The following TNRC6C variants were observed in gnomAD, a reference collection of about 807,000 sequenced individuals.
The protein encoded by TNRC6C is trinucleotide repeat containing adaptor 6C, also known as trinucleotide repeat-containing gene 6C protein.
TNRC6C carries 20 observed loss-of-function variants against 153.7 expected under a neutral mutation model. The ratio of observed to expected loss-of-function variants is 0.13; its 90% CI spans 0.09 to 0.19. The LOEUF is 0.19. TNRC6C is among the 10% of genes least tolerant of loss of function. TNRC6C has a pLI of 1.00. For missense variants in TNRC6C, 1,987 were observed against 2,172.0 expected (o/e 0.91, Z 1.69); for synonymous variants, 811 against 841.4 (o/e 0.96, Z 0.63).
chr17:78,098,487 C>T (rs773598908), exon 17 of TNRC6C: 9 of 1,613,808 alleles, frequency 5.6e-6, no homozygotes, highest in African/African-American at 1.3e-5. Context: ...CCCAAGCCCT[C>T]CTCCACCTGG....
chr17:77,980,472 G>C (rs1275573406), intron 1 of TNRC6C, among the ~76,000 whole-genome samples: 1 of 152,182 alleles, frequency 6.6e-6, no homozygotes. Flanking sequence ...GTGGACACCA[G>C]CTGGGTCGGT....
intron 16 of TNRC6C, 34 bp downstream of exon 18, chr17:78,093,797 C>G: frequency 6.2e-7 from 1 of 1,612,212 alleles, no homozygotes; most frequent in South Asian, 1.1e-5. Flanking sequence ...TCTGCATGGA[C>G]GGTCTCTCTA....
intron 2 of TNRC6C, among the ~76,000 whole-genome samples, chr17:78,042,808 G>A (rs1029254603): frequency 5.3e-5 from 8 of 151,990 alleles, no homozygotes; most frequent in South Asian, 2.1e-4. Context: ...TGGTGATGAC[G>A]GTGTTGGTGA....
At chr17:77,975,887 G>T (rs2070990911) in intron 1 of TNRC6C, among the ~76,000 whole-genome samples, 1 of 152,090 alleles carries the variant, frequency 6.6e-6, no homozygotes, top group Non-Finnish European at 1.5e-5. Flanking sequence ...GAAAAATGTA[G>T]GTCGTCTTTA....
intron 1 of TNRC6C, among the ~76,000 whole-genome samples, chr17:78,013,902 G>A (rs554525373): frequency 6.6e-6 from 1 of 152,288 alleles, no homozygotes; most frequent in Non-Finnish European, 1.5e-5. Flanking sequence ...TTCACTATGC[G>A]AGGCATCAAA....
At chr17:77,976,072 A>G (rs2070993500) in intron 1 of TNRC6C, among the ~76,000 whole-genome samples, 1 of 152,208 alleles carries the variant, frequency 6.6e-6, no homozygotes, top group South Asian at 2.1e-4. Flanking sequence ...GAATAATAAT[A>G]TATACTATTA....
chr17:78,074,763 A>T (rs2073055879), intron 7 of TNRC6C, among the ~76,000 whole-genome samples: 1 of 152,238 alleles, frequency 6.6e-6, no homozygotes, highest in African/African-American at 2.4e-5. Context: ...CCCACCCGAA[A>T]TGAGGAAGCA....
In TNRC6C at chr17:78,104,380, G is replaced by A. The variant is rs919992939; in HGVS notation, c.4713-105G>A. 7.2e-7 allele frequency: 1 copy of A among 1,380,686 alleles called. No individual in the cohort carries two copies. Among genetic ancestry groups the A allele is most frequent in the African/African-American group, 1.5e-5 (1 of 65,880 alleles). 85.5% of individuals were successfully genotyped at this position (1,380,686 alleles called of 1,614,324 possible). The stretch of plus-strand genomic sequence containing the variant: ...TAGCAGTGGCAAAACAGAAGCCACA[G>A]GATGGCTTCCATGTGGGGCCGTTCC... On this transcript the variant is annotated intron_variant, in intron 19 of 19. Coordinates refer to ENST00000301624, the Ensembl canonical transcript of TNRC6C. This position sits in a 1 kb window ranked among gnomAD's most constrained non-coding sequence, Gnocchi z 6.2.
rs1213742381 is a variant in TNRC6C, at chr17:78,079,822, G to T, written c.3357+281G>T. ...CCTGGTCAGAAGCAATATTGAGGGG[G>T]AAGGACCTGCCCAACACACTCCCAT... On this transcript the variant is annotated intron_variant, in intron 10 of 19. Coordinates refer to ENST00000301624, the Ensembl canonical transcript of TNRC6C. This position sits in a 1 kb window ranked among gnomAD's most constrained non-coding sequence, Gnocchi z 4.3. Among the ~76,000 whole-genome samples the T allele has an allele frequency of 6.6e-6, 1 of 152,130 alleles. No homozygotes were observed. Among genetic ancestry groups the T allele is most frequent in the Non-Finnish European group, 1.5e-5 (1 of 68,012 alleles).
chr17:77,966,575 G>A (rs992057267), intron 1 of TNRC6C, among the ~76,000 whole-genome samples: 3 of 152,140 alleles, frequency 2.0e-5, no homozygotes, highest in African/African-American at 7.2e-5. Context: ...TAAGATATTT[G>A]GTTAAATACA....
At chr17:78,095,598 C>G (rs1416620918) in intron 16 of TNRC6C, among the ~76,000 whole-genome samples, 2 of 152,222 alleles carry the variant, frequency 1.3e-5, no homozygotes, top group Admixed American at 1.3e-4. Context: ...GTGGCTCATG[C>G]CAGGCCTCCC....
At chr17:78,002,688 T>G (rs1219095893), upstream of TNRC6C, among the ~76,000 whole-genome samples, 1 of 152,100 alleles carries the variant, frequency 6.6e-6, no homozygotes, top group Non-Finnish European at 1.5e-5. Context: ...AGGCCAGGAG[T>G]TCGAGACTAG....
intron 3 of TNRC6C, among the ~76,000 whole-genome samples, chr17:78,058,426 AG>A (rs1390242155): frequency 6.6e-6 from 1 of 152,234 alleles, no homozygotes; most frequent in Non-Finnish European, 1.5e-5. Flanking sequence ...CCATTTAGTG[AG>A]TAATGGAGCC....
At chr17:78,028,342 T>A (rs2071988355) in intron 1 of TNRC6C, among the ~76,000 whole-genome samples, 1 of 152,154 alleles carries the variant, frequency 6.6e-6, no homozygotes. Flanking sequence ...TTGACACCAC[T>A]GGAACAAGGC....
intron 1 of TNRC6C, among the ~76,000 whole-genome samples, chr17:77,980,479 C>A (rs926288799): frequency 3.2e-4 from 48 of 152,150 alleles, no homozygotes; most frequent in African/African-American, 1.1e-3. Flanking sequence ...CCAGCTGGGT[C>A]GGTCTCAACA....
intron 3 of TNRC6C, among the ~76,000 whole-genome samples, chr17:78,056,552 C>T (rs913987793): frequency 1.3e-5 from 2 of 149,310 alleles, no homozygotes; most frequent in Non-Finnish European, 2.9e-5. Context: ...CAAGCTCCGC[C>T]TCCCAGGTTC....
At chr17:78,057,143 TA>T (rs754417727) in intron 3 of TNRC6C, among the ~76,000 whole-genome samples, 2 of 133,192 alleles carry the variant, frequency 1.5e-5, no homozygotes, top group Non-Finnish European at 3.3e-5. Context: ...GAAAGTATGT[TA>T]AGTTTAGTAT....
intron 2 of TNRC6C, among the ~76,000 whole-genome samples, chr17:78,045,260 G>A (rs1432214129): frequency 6.6e-6 from 1 of 152,124 alleles, no homozygotes; most frequent in Non-Finnish European, 1.5e-5. Context: ...TTTATTTCTT[G>A]TTTTAATGGA....
chr17:77,960,381 C>T (rs1012044369), intron 1 of TNRC6C, among the ~76,000 whole-genome samples: 3 of 152,162 alleles, frequency 2.0e-5, no homozygotes, highest in Non-Finnish European at 2.9e-5. Flanking sequence ...CGTACTTCGG[C>T]CAGTACAAGG....
Sources: allele counts gnomAD v4.1 joint callset (sites outside exome capture counted in the v4.1 genomes callset), GRCh38; gene constraint gnomAD v4.1.1; non-coding constraint Gnocchi (gnomAD v3.1); transcripts MANE v1.5; gene names NCBI Gene and HGNC (gene_info 2026-07-23, HGNC 2026-07-21).